Variants in ACTR3C observed in about 807,000 individuals in gnomAD.
ACTR3C encodes the protein actin related protein 3C, also known as actin-related protein 3C.
Under a neutral mutation model 26.3 loss-of-function variants are expected in ACTR3C, and 18 were observed. That is an observed-to-expected ratio of 0.68 (90% CI 0.47 to 1.01). The LOEUF (loss-of-function observed/expected upper bound fraction) is 1.01. ACTR3C is among the 50% of genes least tolerant of loss of function. The pLI is 0.00. For missense variants in ACTR3C, 184 were observed against 250.7 expected, an observed-to-expected ratio of 0.73 and a Z score of 1.80; for synonymous variants, 55 against 94.5, an observed-to-expected ratio of 0.58 and a Z score of 2.42.
At chr7:150,143,135 A>G in the ACTR3C span, among the ~76,000 whole-genome samples, 2 of 152,134 alleles carry the variant, frequency 1.3e-5, no homozygotes, top group Admixed American at 6.5e-5. Context: ...CCCAACCCCA[A>G]TACCTATTTC....
In ACTR3C at chr7:150,293,341, C is replaced by T. The variant is rs768952307; in HGVS notation, c.124G>A (p.Gly42Arg). 1.4e-5 allele frequency: 22 copies of T among 1,599,632 alleles called. No individual in the cohort carries two copies. Among genetic ancestry groups the T allele is most frequent in the South Asian group, 2.3e-5 (2 of 88,516 alleles). ...GGGATAACATGGGTGACTCCATCTC[C>T]GCTGTCAATGACTATCCCCGTTAAT... ...RTLTGIVIDS[G>R]DGVTHVIPVA... Residue 42 changes from glycine to arginine, a missense_variant, in exon 3 of 8, where the codon GGA (glycine) becomes AGA (arginine). By Grantham distance (125) the Gly-to-Arg change is moderately radical. Coordinates refer to ENST00000683684, the MANE Select transcript of ACTR3C (RefSeq NM_001164458.2).
the ACTR3C span, among the ~76,000 whole-genome samples, chr7:149,930,918 T>G: frequency 6.6e-6 from 1 of 152,142 alleles, no homozygotes; most frequent in Non-Finnish European, 1.5e-5. Flanking sequence ...CAGGCTAGAG[T>G]GTAGTGATGC....
the ACTR3C span, among the ~76,000 whole-genome samples, chr7:150,095,988 G>A: frequency 1.4e-5 from 2 of 147,802 alleles, no homozygotes; most frequent in African/African-American, 2.6e-5. Context: ...CCTCCCTCTC[G>A]AAGGCAATCT....
intron 1 of ACTR3C, among the ~76,000 whole-genome samples, chr7:150,306,414 C>T (rs1409846793): frequency 6.6e-6 from 1 of 152,060 alleles, no homozygotes; most frequent in East Asian, 1.9e-4. Context: ...CTCCTAAAAT[C>T]CTATCCAACA....
chr7:150,039,557 G>T, the ACTR3C span, among the ~76,000 whole-genome samples: 4 of 148,872 alleles, frequency 2.7e-5, no homozygotes, highest in South Asian at 4.2e-4. Flanking sequence ...GCCAGGGGGG[G>T]AAGAGGGACT....
chr7:150,176,017 G>A, the ACTR3C span, among the ~76,000 whole-genome samples: 3 of 150,434 alleles, frequency 2.0e-5, no homozygotes, highest in South Asian at 2.1e-4. Context: ...GGTGGAACAC[G>A]AATAACATAA....
At chr7:150,025,423 T>C in the ACTR3C span, among the ~76,000 whole-genome samples, 11 of 152,122 alleles carry the variant, frequency 7.2e-5, no homozygotes, top group Admixed American at 2.6e-4. Flanking sequence ...TTTTCTGTTT[T>C]CAAGGGATCG....
At chr7:149,891,342 A>T in the ACTR3C span, 1 of 866,562 alleles carries the variant, frequency 1.2e-6, no homozygotes, top group Non-Finnish European at 1.8e-6. Context: ...CTCAGTTCGC[A>T]ACAATAAGAG....
the ACTR3C span, among the ~76,000 whole-genome samples, chr7:150,125,434 GA>G: frequency 1.5e-5 from 2 of 134,950 alleles, no homozygotes; most frequent in Non-Finnish European, 3.1e-5. Flanking sequence ...AGAGAGTCTA[GA>G]AAATCTTTGT....
the ACTR3C span, among the ~76,000 whole-genome samples, chr7:150,047,373 C>A: frequency 6.6e-6 from 1 of 152,220 alleles, no homozygotes. Context: ...ACCCAAACCC[C>A]GCTCTCTCCA....
At chr7:150,005,634 G>A in the ACTR3C span, among the ~76,000 whole-genome samples, 4 of 152,112 alleles carry the variant, frequency 2.6e-5, no homozygotes, top group Non-Finnish European at 5.9e-5. Flanking sequence ...AGGTGAGGAA[G>A]GCAGGGCAGG....
chr7:150,321,126 T>A (rs1159802391), intron 1 of ACTR3C, among the ~76,000 whole-genome samples: 1 of 152,152 alleles, frequency 6.6e-6, no homozygotes, highest in Non-Finnish European at 1.5e-5. Context: ...CACCTCGGCT[T>A]GTGTTCAGCA....
chr7:150,200,922 C>G, the ACTR3C span, among the ~76,000 whole-genome samples: 1 of 152,054 alleles, frequency 6.6e-6, no homozygotes, highest in African/African-American at 2.4e-5. Flanking sequence ...TTTTCTTTTC[C>G]CAGGTTGCTG....
the ACTR3C span, among the ~76,000 whole-genome samples, chr7:150,101,560 AAT>A: frequency 6.6e-6 from 1 of 151,720 alleles, no homozygotes; most frequent in Admixed American, 6.6e-5. Flanking sequence ...CGTGGTGCCC[AAT>A]GCTCCTCCCA....
the ACTR3C span, among the ~76,000 whole-genome samples, chr7:150,204,722 C>T: frequency 0.094 from 14,219 of 150,594 alleles, 883 homozygotes; most frequent in East Asian, 0.24. Context: ...GGAGGATTGA[C>T]GAGTGCAGAG....
the ACTR3C span, among the ~76,000 whole-genome samples, chr7:150,140,120 C>T: frequency 6.6e-6 from 1 of 152,236 alleles, no homozygotes; most frequent in African/African-American, 2.4e-5. Flanking sequence ...AACAGATGAC[C>T]AGTCAGCTCA....
chr7:149,921,107 C>T, the ACTR3C span, among the ~76,000 whole-genome samples: 1 of 152,278 alleles, frequency 6.6e-6, no homozygotes, highest in Admixed American at 6.5e-5. Context: ...TTTAATGACT[C>T]TGAATTTTTT....
the ACTR3C span, among the ~76,000 whole-genome samples, chr7:150,039,279 T>C: frequency 7.1e-6 from 1 of 140,894 alleles, no homozygotes; most frequent in Admixed American, 7.0e-5. Context: ...GGGGGGTGCC[T>C]CCCCCCTCCT....
the ACTR3C span, chr7:150,002,931 TC>T: frequency 6.6e-6 from 1 of 152,086 alleles, no homozygotes; most frequent in African/African-American, 2.4e-5. Context: ...CGTGGCGGGA[TC>T]CCCCTACCCA....
Sources: gnomAD v4.1 joint callset for allele counts (sites outside exome capture counted in the v4.1 genomes callset) on GRCh38, gnomAD v4.1.1 for gene constraint, MANE v1.5 for transcripts, NCBI Gene and HGNC (gene_info 2026-07-23, HGNC 2026-07-21) for gene names.